CTIF: variants seen among roughly 807,000 people sequenced by gnomAD.
CTIF encodes CBP80/20-dependent translation initiation factor.
In CTIF, 21 loss-of-function variants were observed where a neutral mutation model predicts 66.0. The observed-to-expected ratio is 0.32, with a 90% CI of 0.23 to 0.46. CTIF has a LOEUF of 0.46. Ranked by LOEUF, CTIF falls within the 20% of genes least tolerant of loss-of-function variation. The probability of loss-of-function intolerance (pLI) is 1.00; values close to 1 mark genes in which losing one functional copy is unlikely to be tolerated. For missense variants in CTIF, 739 were observed against 812.7 expected, an observed-to-expected ratio of 0.91 and a Z score of 1.10; for synonymous variants, 345 against 326.4, an observed-to-expected ratio of 1.06 and a Z score of -0.62.
At chr18:48,669,507 T>C (rs952619450) in intron 5 of CTIF, among the ~76,000 whole-genome samples, 4 of 151,824 alleles carry the variant, frequency 2.6e-5, no homozygotes, top group Admixed American at 1.3e-4. Flanking sequence ...GACCCAGAAA[T>C]TGAGTAATTT....
At chr18:48,706,685 A>G (rs2092159344) in intron 6 of CTIF, among the ~76,000 whole-genome samples, 1 of 152,018 alleles carries the variant, frequency 6.6e-6, no homozygotes, top group Non-Finnish European at 1.5e-5. Flanking sequence ...GAGTGGGCTG[A>G]TTTTACATAA....
At chr18:48,817,782 A>G (rs1384909166) in intron 10 of CTIF, among the ~76,000 whole-genome samples, 1 of 151,508 alleles carries the variant, frequency 6.6e-6, no homozygotes, top group African/African-American at 2.4e-5. Flanking sequence ...CTCCAAAAAA[A>G]AAAAAAGGGG....
At chr18:48,774,703 A>G (rs1052818792) in intron 9 of CTIF, among the ~76,000 whole-genome samples, 20 of 151,944 alleles carry the variant, frequency 1.3e-4, no homozygotes, top group African/African-American at 4.8e-4. Flanking sequence ...TCACACCTAG[A>G]CCCATTAAGC....
chr18:48,815,494 T>TA (rs1233903151), intron 9 of CTIF, among the ~76,000 whole-genome samples: 1 of 152,242 alleles, frequency 6.6e-6, no homozygotes, highest in African/African-American at 2.4e-5. Flanking sequence ...CTGCTGCTGT[T>TA]ACTGTTTTAC....
At chr18:48,802,664 G>A (rs901314846) in intron 9 of CTIF, among the ~76,000 whole-genome samples, 3 of 152,244 alleles carry the variant, frequency 2.0e-5, no homozygotes, top group African/African-American at 7.2e-5. Context: ...TGGCGAGACA[G>A]TGACATGAAC....
intron 1 of CTIF, among the ~76,000 whole-genome samples, chr18:48,576,319 C>G (rs546593113): frequency 1.3e-5 from 2 of 152,366 alleles, no homozygotes; most frequent in South Asian, 2.1e-4. Context: ...TCTGGCCTGG[C>G]CATTGTCATT....
At chr18:48,669,526 C>G (rs1221220410) in intron 5 of CTIF, among the ~76,000 whole-genome samples, 1 of 151,860 alleles carries the variant, frequency 6.6e-6, no homozygotes, top group African/African-American at 2.4e-5. Flanking sequence ...TTGCATGAGG[C>G]TGGGTTGGCT....
At chr18:48,564,190 G>A (rs2089228593) in intron 1 of CTIF, among the ~76,000 whole-genome samples, 1 of 152,210 alleles carries the variant, frequency 6.6e-6, no homozygotes, top group Admixed American at 6.5e-5. Context: ...GGCATCGGGT[G>A]TCCTAGAGGC....
chr18:48,682,765 T>C (rs1339512009), intron 6 of CTIF, among the ~76,000 whole-genome samples: 2 of 152,356 alleles, frequency 1.3e-5, no homozygotes, highest in Non-Finnish European at 2.9e-5. Flanking sequence ...CAGCAACTGC[T>C]CCTGTCACTG....
At chr18:48,666,128 T>C (rs1276562308) in intron 5 of CTIF, among the ~76,000 whole-genome samples, 1 of 152,170 alleles carries the variant, frequency 6.6e-6, no homozygotes, top group African/African-American at 2.4e-5. Context: ...TTTTTTTCTT[T>C]CTTGGTTTTT....
intron 9 of CTIF, among the ~76,000 whole-genome samples, chr18:48,786,913 C>T (rs4344817): frequency 0.71 from 108,316 of 151,518 alleles, 39,682 homozygotes; most frequent in African/African-American, 0.88. Context: ...GGGGGTGGCC[C>T]GGATGACCTC....
At chr18:48,804,250 G>A (rs1450282810) in intron 9 of CTIF, among the ~76,000 whole-genome samples, 1 of 152,200 alleles carries the variant, frequency 6.6e-6, no homozygotes, top group Non-Finnish European at 1.5e-5. Context: ...TTGTCCCAGG[G>A]CGGAGGCTGC....
chr18:48,807,904 A>G (rs2068183389), intron 9 of CTIF, among the ~76,000 whole-genome samples: 1 of 152,136 alleles, frequency 6.6e-6, no homozygotes, highest in South Asian at 2.1e-4. Context: ...TTTTTAATGG[A>G]TGCATGAATC....
intron 6 of CTIF, among the ~76,000 whole-genome samples, chr18:48,710,703 G>T (rs1598908630): frequency 6.6e-6 from 1 of 152,214 alleles, no homozygotes; most frequent in East Asian, 1.9e-4. Context: ...AGAAATAGTT[G>T]CTGTCATGAT....
In CTIF at chr18:48,729,068, A is replaced by G. The variant is rs150118820; in HGVS notation, c.584+17373A>G. 2.0e-4 allele frequency among the ~76,000 whole-genome samples: 30 copies of G among 152,186 alleles called. No individual in the cohort carries two copies. In the East Asian group the frequency reaches 4.8e-3, roughly 24 times the overall value. On this transcript the variant is annotated intron_variant, in intron 7 of 11. Coordinates refer to ENST00000256413, the MANE Select transcript of CTIF (RefSeq NM_014772.3). ...AAACCTCTCTACAAATGCCCTCCTC[A>G]TCCTGTCCTCCCCTCTGCGCTTCCA...
At chr18:48,547,564 C>T (rs1265363094) in intron 1 of CTIF, among the ~76,000 whole-genome samples, 1 of 152,190 alleles carries the variant, frequency 6.6e-6, no homozygotes, top group Admixed American at 6.5e-5. Flanking sequence ...TTGGAGGCAG[C>T]GCCTTCCCTT....
chr18:48,636,102 G>A (rs180835437), intron 2 of CTIF, among the ~76,000 whole-genome samples: 4 of 152,344 alleles, frequency 2.6e-5, no homozygotes, highest in Admixed American at 2.0e-4. Flanking sequence ...CAGGGGATGT[G>A]AGTGGCAGGG....
chr18:48,694,401 G>C (rs2091976295), intron 6 of CTIF, among the ~76,000 whole-genome samples: 1 of 152,232 alleles, frequency 6.6e-6, no homozygotes, highest in South Asian at 2.1e-4. Context: ...GGCAGTGGAG[G>C]ATGGCCAGGA....
intron 7 of CTIF, among the ~76,000 whole-genome samples, chr18:48,747,258 G>A (rs1907310482): frequency 2.0e-5 from 3 of 152,198 alleles, no homozygotes; most frequent in East Asian, 3.9e-4. Flanking sequence ...TGATGGATGA[G>A]GAAGCCACCA....
Sources: allele counts gnomAD v4.1 joint callset (sites outside exome capture counted in the v4.1 genomes callset), GRCh38; gene constraint gnomAD v4.1.1; transcripts MANE v1.5; gene names NCBI Gene and HGNC (gene_info 2026-07-23, HGNC 2026-07-21).